VWA3B: variants seen among roughly 807,000 people sequenced by gnomAD.
VWA3B encodes von Willebrand factor A domain-containing protein 3B.
VWA3B carries 138 observed loss-of-function variants against 158.3 expected under a neutral mutation model. That is an observed-to-expected ratio of 0.87 (90% CI 0.76 to 1.00). VWA3B has a LOEUF of 1.00. Among genes scored for constraint, VWA3B ranks in the 50% least tolerant of loss-of-function variants. VWA3B has a pLI of 0.00. For missense variants in VWA3B, 1,555 were observed against 1,565.1 expected, an observed-to-expected ratio of 0.99 and a Z score of 0.11; for synonymous variants, 596 against 587.3, an observed-to-expected ratio of 1.01 and a Z score of -0.21.
intron 26 of VWA3B, among the ~76,000 whole-genome samples, chr2:98,309,167 CAAAAAAA>C (rs763812141): frequency 4.8e-4 from 33 of 69,372 alleles, no homozygotes; most frequent in East Asian, 3.1e-3. Context: ...GAGACTCTGT[CAAAAAAA>C]AAAAAAAGAA....
intron 8 of VWA3B, among the ~76,000 whole-genome samples, chr2:98,169,761 G>GTC (rs1679423019): frequency 1.4e-5 from 2 of 143,412 alleles, no homozygotes. Flanking sequence ...GTGTGTGTGT[G>GTC]TCGGTGTGCC....
chr2:98,221,002 A>G (rs1279259541), intron 14 of VWA3B, among the ~76,000 whole-genome samples: 1 of 152,172 alleles, frequency 6.6e-6, no homozygotes, highest in African/African-American at 2.4e-5. Context: ...GAGCATCAGG[A>G]CAAATAGCTA....
rs1017485921 is a variant in VWA3B at position 98,206,971 on chromosome 2, C to T, written c.1738-4959C>T. On this transcript the variant is annotated intron_variant, in intron 12 of 27. Transcript: ENST00000477737. ...GATGTAAGGTCAGATGAATGAACCA[C>T]ATGCTACTCATGCCCAGGTAGCTCT... 5 of 483,080 alleles carry T rather than the reference C, an allele frequency of 1.0e-5. No homozygotes were observed. The East Asian group carries it at 2.4e-4, about 23-fold the overall frequency. The allele number at this position is 483,080 out of a possible 1,614,324, so 29.9% of individuals were successfully genotyped here.
intron 23 of VWA3B, among the ~76,000 whole-genome samples, chr2:98,294,036 AC>A (rs1394813257): frequency 3.3e-5 from 5 of 151,984 alleles, no homozygotes; most frequent in African/African-American, 1.2e-4. Context: ...GGGTTAGATT[AC>A]ATTCAGGTTA....
intron 21 of VWA3B, among the ~76,000 whole-genome samples, chr2:98,258,919 G>C (rs1687318053): frequency 6.6e-6 from 1 of 151,736 alleles, no homozygotes; most frequent in Non-Finnish European, 1.5e-5. Flanking sequence ...TGATCCCAGT[G>C]AGAAAGAAAG....
Position 98,278,816 on chromosome 2 carries a change from G to A in VWA3B, c.3045+7933G>A, listed in dbSNP as rs373443050. Among the ~76,000 whole-genome samples the A allele has an allele frequency of 3.2e-4, 49 of 152,298 alleles. No homozygotes were observed. The East Asian group carries it at 5.2e-3, about 16-fold the overall frequency. ...CATTCGAGAAGGAAAACAGGAATGT[G>A]GGTCCAGGCTTGAGAGTGGGGCCCT... On this transcript the variant is annotated intron_variant, in intron 22 of 27. Coordinates refer to ENST00000477737, the MANE Select transcript of VWA3B (RefSeq NM_144992.5).
intron 21 of VWA3B, among the ~76,000 whole-genome samples, chr2:98,269,647 A>G (rs1688077110): frequency 6.6e-6 from 1 of 152,140 alleles, no homozygotes; most frequent in Admixed American, 6.5e-5. Flanking sequence ...GGGCAGGCAA[A>G]ATGCAACAAG....
chr2:98,152,903 G>A (rs1677749872), intron 7 of VWA3B, among the ~76,000 whole-genome samples: 1 of 152,128 alleles, frequency 6.6e-6, no homozygotes, highest in Non-Finnish European at 1.5e-5. Context: ...GAGAAGAGGA[G>A]GCACATTGCA....
intron 21 of VWA3B, among the ~76,000 whole-genome samples, chr2:98,268,366 G>A (rs1340240162): frequency 6.6e-6 from 1 of 151,936 alleles, no homozygotes; most frequent in Non-Finnish European, 1.5e-5. Context: ...TTCAACCCTG[G>A]GATGCAAGGC....
intron 8 of VWA3B, among the ~76,000 whole-genome samples, chr2:98,166,883 A>G (rs1018118480): frequency 1.2e-4 from 18 of 152,100 alleles, no homozygotes; most frequent in African/African-American, 4.3e-4. Context: ...CTTTGAATGT[A>G]CCATCTCTAT....
chr2:98,177,594 G>A (rs1680116921), intron 8 of VWA3B, among the ~76,000 whole-genome samples: 1 of 151,140 alleles, frequency 6.6e-6, no homozygotes, highest in Non-Finnish European at 1.5e-5. Context: ...TTTAGCTTTA[G>A]AGTGCCTGGG....
intron 14 of VWA3B, among the ~76,000 whole-genome samples, chr2:98,227,893 G>A (rs540135679): frequency 6.6e-6 from 1 of 152,340 alleles, no homozygotes; most frequent in East Asian, 1.9e-4. Context: ...TGTTCAGCTT[G>A]TTGTATGTGA....
chr2:98,311,282 G>T (rs757234483), intron 26 of VWA3B, among the ~76,000 whole-genome samples: 1 of 152,190 alleles, frequency 6.6e-6, no homozygotes, highest in Non-Finnish European at 1.5e-5. Flanking sequence ...CTTTGTCAGC[G>T]TATTTTCTAA....
chr2:98,185,833 G>A (rs988620508), intron 9 of VWA3B, among the ~76,000 whole-genome samples: 4 of 152,010 alleles, frequency 2.6e-5, no homozygotes, highest in Non-Finnish European at 4.4e-5. Context: ...CAGATAATTC[G>A]CATCAGCACA....
chr2:98,240,931 T>C (rs1686035929), intron 19 of VWA3B, among the ~76,000 whole-genome samples: 1 of 152,166 alleles, frequency 6.6e-6, no homozygotes, highest in South Asian at 2.1e-4. Context: ...TTTATGCCTA[T>C]TGTATATGCC....
chr2:98,103,411 A>G (rs1683222399), intron 2 of VWA3B, among the ~76,000 whole-genome samples: 1 of 152,138 alleles, frequency 6.6e-6, no homozygotes, highest in Admixed American at 6.5e-5. Flanking sequence ...CTTTTCTAAT[A>G]TAATCATTTA....
At chr2:98,129,224 A>AGAGAGGGTGTGTGT (rs1370543551) in intron 6 of VWA3B, among the ~76,000 whole-genome samples, 1 of 124,562 alleles carries the variant, frequency 8.0e-6, no homozygotes, top group African/African-American at 3.3e-5. Context: ...AGAGAGAGAG[A>AGAGAGGGTGTGTGT]GTGTGTGTGT....
chr2:98,260,406 A>T lies in VWA3B; in HGVS notation c.2843+4232A>T, dbSNP rs185375750. ...CAGCCAACCATGCATAAAAAATATT[A>T]AAAAAAAGAAAAATAATGGTACAAC... On this transcript the variant is annotated intron_variant, in intron 21 of 27. Coordinates refer to ENST00000477737, the MANE Select transcript of VWA3B (RefSeq NM_144992.5). Among the ~76,000 whole-genome samples, 69 of 151,796 alleles carry T rather than the reference A, an allele frequency of 4.5e-4. 2 individuals carry two copies. In the East Asian group the frequency reaches 6.6e-3, roughly 14 times the overall value.
At chr2:98,268,692 T>A (rs1349008487) in intron 21 of VWA3B, among the ~76,000 whole-genome samples, 1 of 146,452 alleles carries the variant, frequency 6.8e-6, no homozygotes, top group African/African-American at 2.5e-5. Context: ...TTTTTTTTTT[T>A]GCTTTGTAAT....
Sources: gnomAD v4.1 joint callset for allele counts (sites outside exome capture counted in the v4.1 genomes callset) on GRCh38, gnomAD v4.1.1 for gene constraint, MANE v1.5 for transcripts, NCBI Gene and HGNC (gene_info 2026-07-23, HGNC 2026-07-21) for gene names.